Variants in KAT2B observed in about 807,000 individuals in gnomAD.
KAT2B encodes histone acetyltransferase KAT2B.
A neutral mutation model predicts 105.9 loss-of-function variants in KAT2B; 36 were observed. That is an observed-to-expected ratio of 0.34 (90% CI 0.26 to 0.45). The LOEUF is 0.45. Ranked by LOEUF, KAT2B falls within the 20% of genes least tolerant of loss-of-function variation. The probability of loss-of-function intolerance (pLI) is 1.00; values close to 1 mark genes in which losing one functional copy is unlikely to be tolerated. For missense variants in KAT2B, 820 were observed against 1,021.6 expected (o/e 0.80, Z 2.69); for synonymous variants, 397 against 377.9 (o/e 1.05, Z -0.59).
chr3:20,065,681 A>G (rs1034059398), intron 1 of KAT2B, among the ~76,000 whole-genome samples: 1 of 152,220 alleles, frequency 6.6e-6, no homozygotes, highest in African/African-American at 2.4e-5. Flanking sequence ...GCATGCACAC[A>G]TGCAAGAACC....
rs373454057 is a variant in KAT2B, at chr3:20,056,890, G to A, written c.304-15443G>A. Among the ~76,000 whole-genome samples the A allele has an allele frequency of 9.8e-5, 15 of 152,312 alleles. No homozygotes were observed. In the East Asian group the frequency reaches 2.1e-3, roughly 22 times the overall value. Reference sequence around the variant, plus strand: ...AAGCATTGAATTACTTGTCCTACAGGGTTGTTGGGAGGGGAACATAACATG... The same window carrying A: ...AAGCATTGAATTACTTGTCCTACAGAGTTGTTGGGAGGGGAACATAACATG... On this transcript the variant is annotated intron_variant, in intron 1 of 17. Transcript: ENST00000263754.
rs1559334253 is a variant in KAT2B at position 20,148,469 on chromosome 3, G to A, written c.2287G>A (p.Val763Ile). The A allele has an allele frequency of 6.2e-7, 1 of 1,602,912 alleles. No homozygotes were observed. The highest frequency in any genetic ancestry group is 2.2e-5 in the East Asian group (1 of 44,838). ...AACAGAAGCTCCAGGATATTATGAA[G>A]TTATAAGGTTCCCCATGGGTAATAC... Reference protein sequence around the residue: ...KRTEAPGYYEVIRFPMDLKTM... With the variant: ...KRTEAPGYYEIIRFPMDLKTM... Residue 763 changes from valine (V) to isoleucine (I), a missense_variant, in exon 17 of 18, where the codon GTT (valine) becomes ATT (isoleucine). Coordinates refer to ENST00000263754, the MANE Select transcript of KAT2B (RefSeq NM_003884.5).
At chr3:20,099,384 T>C (rs1295905986) in intron 3 of KAT2B, among the ~76,000 whole-genome samples, 1 of 152,222 alleles carries the variant, frequency 6.6e-6, no homozygotes, top group Non-Finnish European at 1.5e-5. Flanking sequence ...CCTGGCCTCT[T>C]TTGTGCAGAA....
chr3:20,148,016 A>G lies in KAT2B; in HGVS notation c.2156+17A>G, dbSNP rs1183005843. ...AGAGAAAAGGTAAGTATGACGGGCAAGAGGATGTTAATGGAAGTGATTTTT... is the reference window on the plus strand; with the variant it reads ...AGAGAAAAGGTAAGTATGACGGGCAGGAGGATGTTAATGGAAGTGATTTTT... On this transcript the variant is annotated intron_variant, in intron 15 of 17. Coordinates refer to ENST00000263754, the MANE Select transcript of KAT2B (RefSeq NM_003884.5). The G allele has an allele frequency of 6.2e-7, 1 of 1,612,652 alleles. No homozygotes were observed. The highest frequency in any genetic ancestry group is 1.1e-5 in the South Asian group (1 of 90,978).
intron 2 of KAT2B, among the ~76,000 whole-genome samples, chr3:20,081,457 A>C (rs1698517721): frequency 6.6e-6 from 1 of 152,190 alleles, no homozygotes; most frequent in Non-Finnish European, 1.5e-5. Context: ...CAAGTCTGAC[A>C]CAGCACTGAG....
At chr3:20,110,045 A>AT (rs1699091739) in intron 5 of KAT2B, among the ~76,000 whole-genome samples, 1 of 152,114 alleles carries the variant, frequency 6.6e-6, no homozygotes, top group Non-Finnish European at 1.5e-5. Context: ...TAAAAAAAAA[A>AT]GTCAGGAGCA....
chr3:20,062,182 ATATATAAAATATATATATTT>A (rs1164355886), intron 1 of KAT2B, among the ~76,000 whole-genome samples: 11,245 of 69,358 alleles, frequency 0.16, 1,276 homozygotes, highest in Middle Eastern at 0.2. Flanking sequence ...ATAATATATA[ATATATAAAATATATATATTT>A]TATATAAAAT....
rs60864750 is a variant in KAT2B at position 20,104,890 on chromosome 3, GTT to G, written c.851+3435_851+3436del. On this transcript the variant is annotated intron_variant, in intron 5 of 17. Coordinates refer to ENST00000263754, the MANE Select transcript of KAT2B (RefSeq NM_003884.5). ...AGTATTCTTTTTTTGTTGTTTTTTT[GTT>G]TTTTTTTTTTTTGAGATGGAGTCTC... Among the ~76,000 whole-genome samples, 39 of 143,644 alleles carry G rather than the reference GTT, an allele frequency of 2.7e-4. 2 individuals carry two copies. Among genetic ancestry groups the G allele is most frequent in the East Asian group, 8.1e-4 (4 of 4,944 alleles). The allele number at this position is 143,644 out of a possible 152,430, so 94.2% of individuals were successfully genotyped here.
At chr3:20,049,842 C>CACCT (rs1347992861) in intron 1 of KAT2B, among the ~76,000 whole-genome samples, 4 of 152,126 alleles carry the variant, frequency 2.6e-5, no homozygotes, top group Non-Finnish European at 5.9e-5. Flanking sequence ...ATGAAAGAGA[C>CACCT]ACCTACTCAG....
chr3:20,131,760 C>G (rs573116916), intron 11 of KAT2B, among the ~76,000 whole-genome samples: 1 of 151,936 alleles, frequency 6.6e-6, no homozygotes, highest in East Asian at 2.0e-4. Context: ...GATAGGGTCT[C>G]CCTGTGTTGC....
At chr3:20,084,210 T>A (rs950920883) in intron 2 of KAT2B, among the ~76,000 whole-genome samples, 4 of 152,200 alleles carry the variant, frequency 2.6e-5, no homozygotes, top group Non-Finnish European at 4.4e-5. Context: ...AGCTTCTCTT[T>A]GATAACAACT....
chr3:20,117,921 A>T (rs1296546463), intron 7 of KAT2B, among the ~76,000 whole-genome samples: 2 of 152,138 alleles, frequency 1.3e-5, no homozygotes, highest in Non-Finnish European at 2.9e-5. Context: ...TCAAACTCAC[A>T]GAGTTACAAG....
At chr3:20,065,104 A>G (rs1024918356) in intron 1 of KAT2B, among the ~76,000 whole-genome samples, 5 of 152,162 alleles carry the variant, frequency 3.3e-5, no homozygotes, top group East Asian at 1.9e-4. Flanking sequence ...GTTGCATACT[A>G]TTGACCTCTA....
intron 8 of KAT2B, among the ~76,000 whole-genome samples, chr3:20,121,326 T>G (rs1699303778): frequency 6.6e-6 from 1 of 152,154 alleles, no homozygotes; most frequent in Non-Finnish European, 1.5e-5. Context: ...GGGATTCACA[T>G]GTGAGGAAAT....
intron 6 of KAT2B, among the ~76,000 whole-genome samples, chr3:20,113,305 A>G (rs1415879675): frequency 1.3e-5 from 2 of 152,230 alleles, no homozygotes; most frequent in Non-Finnish European, 2.9e-5. Context: ...TTCAGGTAAT[A>G]GTTGTCATTC....
intron 6 of KAT2B, among the ~76,000 whole-genome samples, chr3:20,112,623 G>A (rs1002217224): frequency 6.6e-6 from 1 of 152,152 alleles, no homozygotes; most frequent in African/African-American, 2.4e-5. Context: ...TTATCATTCC[G>A]CCTAGATCAG....
intron 3 of KAT2B, among the ~76,000 whole-genome samples, chr3:20,098,382 G>A (rs1698849853): frequency 6.6e-6 from 1 of 152,128 alleles, no homozygotes; most frequent in African/African-American, 2.4e-5. Context: ...CTTACTAAAT[G>A]TGACTTTGGG....
intron 11 of KAT2B, among the ~76,000 whole-genome samples, chr3:20,133,775 C>T (rs1699552008): frequency 6.6e-6 from 1 of 152,192 alleles, no homozygotes. Context: ...ATAGTTCCCC[C>T]TACCATTGCT....
chr3:20,047,295 C>T lies in KAT2B; in HGVS notation c.303+6515C>T, dbSNP rs544182518. Among the ~76,000 whole-genome samples, 3 of 152,268 alleles carry T rather than the reference C, an allele frequency of 2.0e-5. No homozygotes were observed. The South Asian group carries it at 6.2e-4, about 32-fold the overall frequency. Reference sequence around the variant, plus strand: ...CCATGTTTAACAGGCTGGTCTTGAACTCCTGGGCTCAAGCAATTGGCCTGC... The same window carrying T: ...CCATGTTTAACAGGCTGGTCTTGAATTCCTGGGCTCAAGCAATTGGCCTGC... On this transcript the variant is annotated intron_variant, in intron 1 of 17. Transcript: ENST00000263754.
Sources: gnomAD v4.1 joint callset for allele counts (sites outside exome capture counted in the v4.1 genomes callset) on GRCh38, gnomAD v4.1.1 for gene constraint, MANE v1.5 for transcripts, NCBI Gene and HGNC (gene_info 2026-07-23, HGNC 2026-07-21) for gene names.